Variants in RAVER1 observed in about 807,000 individuals in gnomAD.
The protein encoded by RAVER1 is ribonucleoprotein PTB-binding 1.
Under a neutral mutation model 68.4 loss-of-function variants are expected in RAVER1, and 36 were observed. The observed-to-expected ratio is 0.53, with a 90% confidence interval of 0.40 to 0.70. The LOEUF (loss-of-function observed/expected upper bound fraction) is 0.70. Among genes scored for constraint, RAVER1 ranks in the 30% least tolerant of loss-of-function variants. The pLI is 0.00. For missense variants in RAVER1, 933 were observed against 1,019.8 expected (o/e 0.91, Z 1.16); for synonymous variants, 469 against 472.7 (o/e 0.99, Z 0.10).
rs774395999 is a variant in RAVER1, at chr19:10,323,264, C to T, written c.959G>A (p.Arg320Gln). The T allele has an allele frequency of 3.7e-5, 60 of 1,613,288 alleles. No homozygotes were observed. The highest frequency in any genetic ancestry group is 6.7e-5 in the African/African-American group (5 of 74,870). The change falls in exon 5 of 13, where the codon CGG (arginine) becomes CAG (glutamine). Residue 320 changes from arginine to glutamine, a missense_variant. Arg to Gln is a conservative substitution (Grantham distance 43). Around this residue, in one of 3 missense-constraint regions of RAVER1, gnomAD observed 699 missense variants for 731.1 expected, o/e 0.96. Transcript: ENST00000617231. This position sits in a 1 kb window ranked among gnomAD's most constrained non-coding sequence, Gnocchi z 6.2. ...LIAAQATALN[R>Q]GKGLLPEPNI... Reference sequence around the variant, plus strand: ...GGGCTCGGGGAGGAGTCCCTTCCCCCGATTGAGGGCCTGCAGGAAGGAACA... The same window carrying T: ...GGGCTCGGGGAGGAGTCCCTTCCCCTGATTGAGGGCCTGCAGGAAGGAACA...
In RAVER1 at chr19:10,316,293, C is replaced by T; in HGVS notation, c.*1161G>A. The T allele has an allele frequency of 8.1e-7, 1 of 1,231,832 alleles. No homozygotes were observed. Among genetic ancestry groups the T allele is most frequent in the South Asian group, 2.0e-5 (1 of 50,846 alleles). 76.3% of individuals were successfully genotyped at this position (1,231,832 alleles called of 1,614,324 possible). A position where few individuals can be genotyped will look rare whatever the true frequency, so the allele number is the denominator to read the frequency against. On this transcript the variant is annotated 3_prime_UTR_variant, in exon 13 of 13. Coordinates refer to ENST00000617231, the MANE Select transcript of RAVER1 (RefSeq NM_133452.3). ...ACTGGGGTGGGGTCGGGGGAATAGT[C>T]CCCTTGGAGTGGATGTGGACCCCCA...
At position 10,317,790 on chromosome 19, in the gene RAVER1, G is replaced by A; in HGVS notation, c.1990-17C>T. Reference sequence around the variant, plus strand: ...GCCGATTGCCTGGGAGAAATGGAGAGGTGGAACAGGTCACTCCCTGGGGGC... The same window carrying A: ...GCCGATTGCCTGGGAGAAATGGAGAAGTGGAACAGGTCACTCCCTGGGGGC... On this transcript the variant is annotated splice_polypyrimidine_tract_variant and intron_variant, in intron 11 of 12. Transcript: ENST00000617231. This position sits in a 1 kb window ranked among gnomAD's most constrained non-coding sequence, Gnocchi z 4.3. 6.8e-7 allele frequency: 1 copy of A among 1,469,140 alleles called. No individual in the cohort carries two copies. Among genetic ancestry groups the A allele is most frequent in the Non-Finnish European group, 9.4e-7 (1 of 1,065,378 alleles). The allele number at this position is 1,469,140 out of a possible 1,614,324, so 91.0% of individuals were successfully genotyped here.
intron 9 of RAVER1, among the ~76,000 whole-genome samples, 168 bp downstream of exon 9, chr19:10,320,487 G>T (rs1236260726): frequency 6.8e-6 from 1 of 145,996 alleles, no homozygotes; most frequent in African/African-American, 2.5e-5. Context: ...CAGGGCAGCA[G>T]AGGGAGACCC....
chr19:10,317,665 G>A lies in RAVER1; in HGVS notation c.2073+25C>T, dbSNP rs376714345. On this transcript the variant is annotated intron_variant, in intron 12 of 12. Coordinates refer to ENST00000617231, the MANE Select transcript of RAVER1 (RefSeq NM_133452.3). This position sits in a 1 kb window ranked among gnomAD's most constrained non-coding sequence, Gnocchi z 4.3. ...TGGGGGGCCGGGGCTTCCCAGCCCT[G>A]CATGTCCCCACCCCCTGCCCGTACC... 53 of 1,545,822 alleles carry A rather than the reference G, an allele frequency of 3.4e-5. No individual in the cohort carries two copies. Among genetic ancestry groups the A allele is most frequent in the Non-Finnish European group, 4.3e-5 (49 of 1,138,642 alleles).
Position 10,321,090 on chromosome 19 carries a change from T to C in RAVER1, c.1431A>G (p.Arg477=). The C allele has an allele frequency of 7.5e-7, 1 of 1,339,466 alleles. No individual in the cohort carries two copies. The highest frequency in any genetic ancestry group is 1.5e-5 in the African/African-American group (1 of 65,246). 83.0% of individuals were successfully genotyped at this position (1,339,466 alleles called of 1,614,324 possible). ...GAGGCCCACTGTCTTTCTGGAGGCC[T>C]CTGAGGCCAGAGCCTCGGAGCCCCA... The part of the protein sequence containing the change: ...APVGLRGSGL[R]GLQKDSGPLP... The change falls in exon 8 of 13, where the codon AGA becomes AGG. Residue 477 remains arginine, a synonymous_variant. Coordinates refer to ENST00000617231, the MANE Select transcript of RAVER1 (RefSeq NM_133452.3).
In RAVER1 at chr19:10,322,918, C is replaced by G. The variant is rs2040448861; in HGVS notation, c.1079-179G>C. 6.6e-6 allele frequency among the ~76,000 whole-genome samples: 1 copy of G among 152,030 alleles called. No individual in the cohort carries two copies. The highest frequency in any genetic ancestry group is 1.5e-5 in the Non-Finnish European group (1 of 67,974). On this transcript the variant is annotated intron_variant, in intron 5 of 12. Coordinates refer to ENST00000617231, the MANE Select transcript of RAVER1 (RefSeq NM_133452.3). The surrounding 1 kb of genome is among the most constrained non-coding windows in gnomAD (Gnocchi z 4.3). ...GGGCAGAGGCTACTCCAGTGAAGGTCAGCCCCCTCTTGTCAGCACCCCACC... is the reference window on the plus strand; with the variant it reads ...GGGCAGAGGCTACTCCAGTGAAGGTGAGCCCCCTCTTGTCAGCACCCCACC...
chr19:10,330,354 G>C (rs375157896), intron 2 of RAVER1, 106 bp downstream of exon 2: 2 of 612,956 alleles, frequency 3.3e-6, no homozygotes, highest in African/African-American at 3.7e-5. Context: ...GTTGGCCTGG[G>C]GGGCAATACT....
rs762055273 is a variant in RAVER1, at chr19:10,322,602, G to C, written c.1173+43C>G. 3.0e-6 allele frequency: 4 copies of C among 1,337,406 alleles called. No individual in the cohort carries two copies. Among genetic ancestry groups the C allele is most frequent in the South Asian group, 2.8e-5 (2 of 70,486 alleles). The allele number at this position is 1,337,406 out of a possible 1,614,324, so 82.8% of individuals were successfully genotyped here. On this transcript the variant is annotated intron_variant, in intron 6 of 12. Transcript: ENST00000617231. The surrounding 1 kb of genome is among the most constrained non-coding windows in gnomAD (Gnocchi z 4.3). ...GCACCAGCTGTGTTGAAAAGAGCCT[G>C]TAGGGGCTGTAGAGCAGTGGGTGAG...
In RAVER1 at chr19:10,317,656, C is replaced by T. The variant is rs780414463; in HGVS notation, c.2073+34G>A. On this transcript the variant is annotated intron_variant, in intron 12 of 12. Transcript: ENST00000617231. The surrounding 1 kb of genome is among the most constrained non-coding windows in gnomAD (Gnocchi z 4.3). Reference sequence around the variant, plus strand: ...AGGGGCCGCTGGGGGGCCGGGGCTTCCCAGCCCTGCATGTCCCCACCCCCT... The same window carrying T: ...AGGGGCCGCTGGGGGGCCGGGGCTTTCCAGCCCTGCATGTCCCCACCCCCT... The T allele has an allele frequency of 5.2e-6, 8 of 1,540,892 alleles. No individual in the cohort carries two copies. Among genetic ancestry groups the T allele is most frequent in the Admixed American group, 3.8e-5 (2 of 52,120 alleles).
chr19:10,317,799 G>T lies in RAVER1; in HGVS notation c.1990-26C>A. ...CTGGGAGAAATGGAGAGGTGGAACA[G>T]GTCACTCCCTGGGGGCCAGAGGAAG... On this transcript the variant is annotated intron_variant, in intron 11 of 12. Transcript: ENST00000617231. This position sits in a 1 kb window ranked among gnomAD's most constrained non-coding sequence, Gnocchi z 4.3. 1.4e-6 allele frequency: 2 copies of T among 1,402,262 alleles called. No individual in the cohort carries two copies. Among genetic ancestry groups the T allele is most frequent in the Non-Finnish European group, 2.0e-6 (2 of 1,006,594 alleles). 86.9% of individuals were successfully genotyped at this position (1,402,262 alleles called of 1,614,324 possible).
intron 1 of RAVER1, among the ~76,000 whole-genome samples, chr19:10,332,052 T>C (rs1384744987): frequency 6.6e-6 from 1 of 152,138 alleles, no homozygotes; most frequent in Non-Finnish European, 1.5e-5. Context: ...TAGAGTGTAG[T>C]AGCACAATCA....
intron 9 of RAVER1, among the ~76,000 whole-genome samples, chr19:10,319,493 G>T (rs2040418469): frequency 6.6e-6 from 1 of 152,258 alleles, no homozygotes; most frequent in Non-Finnish European, 1.5e-5. Flanking sequence ...CAGTTTTCCT[G>T]TGTTGGCGTT....
chr19:10,316,507 C>T lies in RAVER1; in HGVS notation c.*947G>A. ...GGTGGGCAGGCAGAATTCAAGAATT[C>T]ATCTTCAACAAGCGAGTGACAGCAG... On this transcript the variant is annotated 3_prime_UTR_variant, in exon 13 of 13. Transcript: ENST00000617231. 1 of 989,204 alleles carries T rather than the reference C, an allele frequency of 1.0e-6. No individual in the cohort carries two copies. The highest frequency in any genetic ancestry group is 1.2e-6 in the Non-Finnish European group (1 of 832,160). 61.3% of individuals were successfully genotyped at this position (989,204 alleles called of 1,614,324 possible). A position where few individuals can be genotyped will look rare whatever the true frequency, so the allele number is the denominator to read the frequency against.
intron 8 of RAVER1, 33 bp from the exon 9 acceptor site, chr19:10,320,984 C>G (rs1395732005): frequency 6.7e-7 from 1 of 1,486,226 alleles, no homozygotes; most frequent in Non-Finnish European, 8.9e-7. Context: ...GAGAGGGCCC[C>G]CGGGAGAGGG....
rs192649218 is a variant in RAVER1, at chr19:10,317,242, C to T, written c.*212G>A. ...CTCTCTTAAGGCTGCAGGGTTTCAGCGTGGGGAGCAAGCCAGAGACATAAT... is the reference window on the plus strand; with the variant it reads ...CTCTCTTAAGGCTGCAGGGTTTCAGTGTGGGGAGCAAGCCAGAGACATAAT... On this transcript the variant is annotated 3_prime_UTR_variant, in exon 13 of 13. Transcript: ENST00000617231. The surrounding 1 kb of genome is among the most constrained non-coding windows in gnomAD (Gnocchi z 4.3). The T allele has an allele frequency of 1.7e-3, 1,039 of 603,128 alleles. 8 individuals are homozygous for T. Among genetic ancestry groups the T allele is most frequent in the African/African-American group, 0.017 (901 of 53,460 alleles). 37.4% of individuals were successfully genotyped at this position (603,128 alleles called of 1,614,324 possible). A position where few individuals can be genotyped will look rare whatever the true frequency, so the allele number is the denominator to read the frequency against.
chr19:10,322,665 G>C lies in RAVER1; in HGVS notation c.1153C>G (p.Leu385Val). Residue 385 changes from leucine (L) to valine (V), a missense_variant, in exon 6 of 13, where the codon CTG (leucine) becomes GTG (valine). By Grantham distance (32) the Leu-to-Val change is conservative (BLOSUM62 1). This residue lies in a region of RAVER1 where 699 missense variants were observed against 731.1 expected (regional missense o/e 0.96). Transcript: ENST00000617231. This position sits in a 1 kb window ranked among gnomAD's most constrained non-coding sequence, Gnocchi z 4.3. ...ALSTALLQLALQTQGQKKPGI... is the reference protein window; with the variant it reads ...ALSTALLQLAVQTQGQKKPGI... Reference sequence around the variant, plus strand: ...GTTACCTTCTGGCCCTGGGTCTGCAGGGCGAGCTGCAACAGCGCCGTGGAC... The same window carrying C: ...GTTACCTTCTGGCCCTGGGTCTGCACGGCGAGCTGCAACAGCGCCGTGGAC... The C allele has an allele frequency of 6.5e-7, 1 of 1,544,760 alleles. No homozygotes were observed. The highest frequency in any genetic ancestry group is 8.7e-7 in the Non-Finnish European group (1 of 1,154,458).
At position 10,320,848 on chromosome 19, in the gene RAVER1, G is replaced by A; in HGVS notation, c.1577C>T (p.Ala526Val). Residue 526 changes from alanine to valine, a missense_variant, in exon 9 of 13, where the codon GCC becomes GTC. Ala to Val is a moderately conservative substitution (Grantham distance 64). Coordinates refer to ENST00000617231, the MANE Select transcript of RAVER1 (RefSeq NM_133452.3). ...LPASNLAGKEARGWGGAGRSR... is the reference protein window; with the variant it reads ...LPASNLAGKEVRGWGGAGRSR... ...TCTCCCGGCGCCTCCCCAGCCCCGG[G>A]CCTCCTTACCCGCCAGGTTGCTGGC... 6.6e-7 allele frequency: 1 copy of A among 1,513,122 alleles called. No individual in the cohort carries two copies. The highest frequency in any genetic ancestry group is 2.5e-5 in the East Asian group (1 of 39,716). 93.7% of individuals were successfully genotyped at this position (1,513,122 alleles called of 1,614,324 possible).
rs567848623 is a variant in RAVER1, at chr19:10,322,934, G to C, written c.1079-195C>G. 6.6e-6 allele frequency among the ~76,000 whole-genome samples: 1 copy of C among 152,118 alleles called. No individual in the cohort carries two copies. Among genetic ancestry groups the C allele is most frequent in the African/African-American group, 2.4e-5 (1 of 41,490 alleles). ...AGTGAAGGTCAGCCCCCTCTTGTCAGCACCCCACCTCACTGCAGGCTGCTG... is the reference window on the plus strand; with the variant it reads ...AGTGAAGGTCAGCCCCCTCTTGTCACCACCCCACCTCACTGCAGGCTGCTG... On this transcript the variant is annotated intron_variant, in intron 5 of 12. Transcript: ENST00000617231. This position sits in a 1 kb window ranked among gnomAD's most constrained non-coding sequence, Gnocchi z 4.3.
At position 10,328,575 on chromosome 19, in the gene RAVER1, AC is replaced by A; in HGVS notation, c.756+66del. The A allele has an allele frequency of 9.6e-7, 1 of 1,041,446 alleles. No individual in the cohort carries two copies. 64.5% of individuals were successfully genotyped at this position (1,041,446 alleles called of 1,614,324 possible). Reference sequence around the variant, plus strand: ...AAAAAAAAAAAAGAAAAGGCAGATGACTCCAAAGACTCTCTCAGGTGCTCCG... The same window carrying A: ...AAAAAAAAAAAAGAAAAGGCAGATGATCCAAAGACTCTCTCAGGTGCTCCG... On this transcript the variant is annotated intron_variant, in intron 3 of 12. Transcript: ENST00000617231. This position sits in a 1 kb window ranked among gnomAD's most constrained non-coding sequence, Gnocchi z 4.4.
Sources: allele counts gnomAD v4.1 joint callset (sites outside exome capture counted in the v4.1 genomes callset), GRCh38; gene constraint gnomAD v4.1.1; regional missense constraint gnomAD v4.1.1; non-coding constraint Gnocchi (gnomAD v3.1); transcripts MANE v1.5; gene names NCBI Gene and HGNC (gene_info 2026-07-23, HGNC 2026-07-21).